Variants in HDAC9 observed in about 807,000 individuals in gnomAD.
HDAC9 encodes histone deacetylase 9.
HDAC9 carries 41 observed loss-of-function variants against 139.4 expected under a neutral mutation model. The ratio of observed to expected loss-of-function variants is 0.29; its 90% CI spans 0.23 to 0.38. The LOEUF (loss-of-function observed/expected upper bound fraction) is 0.38. Ranked by LOEUF, HDAC9 falls within the 10% of genes least tolerant of loss-of-function variation. The pLI is 1.00. For synonymous variants in HDAC9, 517 were observed against 476.2 expected (o/e 1.09, Z -1.12); for missense variants, 1,147 against 1,297.0 (o/e 0.88, Z 1.78).
intron 17 of HDAC9, among the ~76,000 whole-genome samples, chr7:18,826,830 T>A (rs1795481086): frequency 6.6e-6 from 1 of 151,854 alleles, no homozygotes; most frequent in Non-Finnish European, 1.5e-5. Context: ...TGCCCTAAAT[T>A]TTTTTTTCTT....
intron 2 of HDAC9, among the ~76,000 whole-genome samples, chr7:18,183,102 T>G (rs903870724): frequency 6.6e-6 from 1 of 151,852 alleles, no homozygotes. Context: ...CTCCGCCTCC[T>G]GGGTTCACGC....
intron 1 of HDAC9, among the ~76,000 whole-genome samples, chr7:18,155,000 C>G (rs1456748584): frequency 1.3e-5 from 2 of 152,082 alleles, no homozygotes; most frequent in Admixed American, 1.3e-4. Context: ...TCCTTCACTT[C>G]GACTATTACT....
chr7:18,588,107 C>G (rs755258154), intron 3 of HDAC9, among the ~76,000 whole-genome samples: 38 of 152,280 alleles, frequency 2.5e-4, no homozygotes, highest in Non-Finnish European at 5.0e-4. Context: ...AGAAATGCTT[C>G]TAACTATGTC....
At chr7:18,326,340 ATACT>A (rs1478240379) in intron 1 of HDAC9, among the ~76,000 whole-genome samples, 1 of 152,102 alleles carries the variant, frequency 6.6e-6, no homozygotes, top group East Asian at 1.9e-4. Flanking sequence ...AAATGACAAC[ATACT>A]TAGGAATTTT....
chr7:18,257,431 AC>A (rs1562802054), intron 2 of HDAC9, among the ~76,000 whole-genome samples: 11 of 150,552 alleles, frequency 7.3e-5, no homozygotes, highest in African/African-American at 2.5e-4. Context: ...ACACACACAC[AC>A]ACACAAAAAG....
intron 1 of HDAC9, among the ~76,000 whole-genome samples, chr7:18,375,833 A>G (rs1784956961): frequency 6.6e-6 from 1 of 152,176 alleles, no homozygotes; most frequent in Non-Finnish European, 1.5e-5. Flanking sequence ...CTTGGTATCC[A>G]TGCCTCATCT....
At chr7:18,519,305 A>G (rs1804228056) in intron 2 of HDAC9, among the ~76,000 whole-genome samples, 1 of 152,232 alleles carries the variant, frequency 6.6e-6, no homozygotes, top group Non-Finnish European at 1.5e-5. Context: ...AACAAATTAA[A>G]TGACAAATTA....
intron 2 of HDAC9, among the ~76,000 whole-genome samples, chr7:18,272,165 ACT>A (rs1796396077): frequency 6.6e-6 from 1 of 152,028 alleles, no homozygotes; most frequent in Admixed American, 6.6e-5. Context: ...ATGAGTGCTA[ACT>A]CTACCAGCAA....
intron 12 of HDAC9, among the ~76,000 whole-genome samples, chr7:18,701,636 A>G (rs1783495978): frequency 6.6e-6 from 1 of 152,222 alleles, no homozygotes; most frequent in African/African-American, 2.4e-5. Context: ...ATCAGAACCC[A>G]TTATAAATAA....
chr7:18,685,868 A>G (rs1782232623), intron 12 of HDAC9, among the ~76,000 whole-genome samples: 1 of 151,970 alleles, frequency 6.6e-6, no homozygotes, highest in Admixed American at 6.6e-5. Flanking sequence ...ATAGTGTAGA[A>G]TGGCAAAATT....
At chr7:18,258,541 C>G (rs1427077882) in intron 2 of HDAC9, among the ~76,000 whole-genome samples, 1 of 152,070 alleles carries the variant, frequency 6.6e-6, no homozygotes, top group Non-Finnish European at 1.5e-5. Context: ...TAGTTGTAAA[C>G]AAGTTGAGGG....
chr7:18,534,588 C>A (rs529495211), intron 2 of HDAC9, among the ~76,000 whole-genome samples: 3 of 152,066 alleles, frequency 2.0e-5, no homozygotes, highest in Admixed American at 6.6e-5. Context: ...AGAATCCTTG[C>A]GTACTAGTGT....
chr7:18,515,118 G>A (rs887920594), intron 2 of HDAC9, among the ~76,000 whole-genome samples: 4 of 152,112 alleles, frequency 2.6e-5, no homozygotes, highest in Non-Finnish European at 4.4e-5. Flanking sequence ...ATTGGTTATT[G>A]GTTCTAAAGT....
At chr7:18,473,304 T>G (rs987619346) in intron 1 of HDAC9, among the ~76,000 whole-genome samples, 1 of 152,236 alleles carries the variant, frequency 6.6e-6, no homozygotes, top group Non-Finnish European at 1.5e-5. Flanking sequence ...GTAGTTGTGA[T>G]GAAACCTTAG....
chr7:18,282,669 G>T (rs1797175182), intron 2 of HDAC9, among the ~76,000 whole-genome samples: 1 of 152,138 alleles, frequency 6.6e-6, no homozygotes, highest in South Asian at 2.1e-4. Context: ...GCAAAAGGAT[G>T]TTGCAATTGA....
intron 25 of HDAC9, among the ~76,000 whole-genome samples, chr7:18,992,322 A>T (rs1786047203): frequency 6.6e-6 from 1 of 152,242 alleles, no homozygotes; most frequent in Non-Finnish European, 1.5e-5. Context: ...CGTAGAAGTT[A>T]CCAGCTTCAA....
At chr7:18,932,801 GAAGA>G (rs1400512233) in intron 22 of HDAC9, among the ~76,000 whole-genome samples, 9 of 127,480 alleles carry the variant, frequency 7.1e-5, no homozygotes, top group Middle Eastern at 3.8e-3. Flanking sequence ...AAGAGAAAAA[GAAGA>G]AAGAAAGATA....
chr7:18,177,786 C>G (rs1789048022), intron 2 of HDAC9, among the ~76,000 whole-genome samples: 1 of 152,022 alleles, frequency 6.6e-6, no homozygotes, highest in African/African-American at 2.4e-5. Flanking sequence ...TATGGTTGCT[C>G]TCTTAGTTAA....
At chr7:18,522,785 A>G (rs1258733023) in intron 2 of HDAC9, among the ~76,000 whole-genome samples, 1 of 152,172 alleles carries the variant, frequency 6.6e-6, no homozygotes, top group East Asian at 1.9e-4. Context: ...ATGAATTTTC[A>G]ATGTATAATG....
Sources: gnomAD v4.1 joint callset for allele counts (sites outside exome capture counted in the v4.1 genomes callset) on GRCh38, gnomAD v4.1.1 for gene constraint, MANE v1.5 for transcripts, NCBI Gene and HGNC (gene_info 2026-07-23, HGNC 2026-07-21) for gene names.